The following LSR variants were observed in gnomAD, a reference collection of about 807,000 sequenced individuals.
The protein encoded by LSR is lipolysis-stimulated lipoprotein receptor.
A neutral mutation model predicts 61.8 loss-of-function variants in LSR; 44 were observed. The observed-to-expected ratio is 0.71, with a 90% CI of 0.56 to 0.91. The LOEUF (loss-of-function observed/expected upper bound fraction) is 0.91. Ranked by LOEUF, LSR falls within the 40% of genes least tolerant of loss-of-function variation. LSR has a pLI of 0.00. For synonymous variants in LSR, 397 were observed against 350.6 expected (o/e 1.13, Z -1.48); for missense variants, 911 against 830.5 (o/e 1.10, Z -1.19).
intron 4 of LSR, among the ~76,000 whole-genome samples, chr19:35,262,185 G>A (rs574868056): frequency 5.9e-5 from 9 of 152,346 alleles, no homozygotes; most frequent in South Asian, 4.1e-4. Flanking sequence ...CTGGGGTGCA[G>A]GCCAGGGCTC....
In LSR at chr19:35,249,122, T is replaced by A; in HGVS notation, c.100T>A (p.Trp34Arg). The change falls in exon 1 of 10, where the codon TGG (tryptophan) becomes AGG (arginine). Residue 34 changes from tryptophan to arginine, a missense_variant. Trp to Arg is a moderately radical substitution (Grantham distance 101, BLOSUM62 -3). Coordinates refer to ENST00000605618, the MANE Select transcript of LSR (RefSeq NM_205834.4). Reference protein sequence around the residue: ...VVFVWLLLSTWCTAPARAIQV... With the variant: ...VVFVWLLLSTRCTAPARAIQV... The stretch of plus-strand genomic sequence containing the variant: ...CTTCGTGTGGCTTCTGCTTAGCACC[T>A]GGTGCACAGGTACGGGGCACGGGGC... 1 of 1,543,478 alleles carries A rather than the reference T, an allele frequency of 6.5e-7. No homozygotes were observed.
chr19:35,261,985 CG>C lies in LSR; in HGVS notation c.631+10del, dbSNP rs747210434. The C allele has an allele frequency of 8.6e-6, 13 of 1,517,136 alleles. No individual in the cohort carries two copies. Among genetic ancestry groups the C allele is most frequent in the Middle Eastern group, 1.7e-4 (1 of 5,810 alleles). 94.0% of individuals were successfully genotyped at this position (1,517,136 alleles called of 1,614,324 possible). ...TTTCAGGCGGGGCCCATAGAAGGTA[CG>C]GGGGGTGGATCCTGAGTTGGGCTTC... On this transcript the variant is annotated splice_donor_5th_base_variant and intron_variant, in intron 4 of 9. Transcript: ENST00000605618.
At chr19:35,254,196 T>C (rs138215549) in intron 2 of LSR, among the ~76,000 whole-genome samples, 4,079 of 152,200 alleles carry the variant, frequency 0.027, 186 homozygotes, top group African/African-American at 0.093. Flanking sequence ...CAAGTTCAAG[T>C]GATTCTCCCG....
chr19:35,249,143 G>T lies in LSR; in HGVS notation c.109+12G>T. 3 of 1,524,888 alleles carry T rather than the reference G, an allele frequency of 2.0e-6. No individual in the cohort carries two copies. Among genetic ancestry groups the T allele is most frequent in the South Asian group, 1.3e-5 (1 of 79,890 alleles). The allele number at this position is 1,524,888 out of a possible 1,614,324, so 94.5% of individuals were successfully genotyped here. On this transcript the variant is annotated intron_variant, in intron 1 of 9. Transcript: ENST00000605618. ...CACCTGGTGCACAGGTACGGGGCAC[G>T]GGGCCTCTGACGCTGCGGAACGCCG... is the stretch of plus-strand genomic sequence containing the variant.
chr19:35,255,836 T>G (rs1227759397), intron 2 of LSR, among the ~76,000 whole-genome samples: 1 of 152,226 alleles, frequency 6.6e-6, no homozygotes, highest in Non-Finnish European at 1.5e-5. Flanking sequence ...ATATTTGTCT[T>G]TCTTTCCTAG....
chr19:35,267,840 G>C lies in LSR; in HGVS notation c.1787G>C (p.Arg596Pro). 1 of 1,613,906 alleles carries C rather than the reference G, an allele frequency of 6.2e-7. No homozygotes were observed. The highest frequency in any genetic ancestry group is 1.3e-5 in the African/African-American group (1 of 74,988). The change falls in exon 10 of 10, where the codon CGG (arginine) becomes CCG (proline). Residue 596 changes from arginine to proline, a missense_variant. By Grantham distance (103) the Arg-to-Pro change is moderately radical (BLOSUM62 -2). Coordinates refer to ENST00000605618, the MANE Select transcript of LSR (RefSeq NM_205834.4). ...RRLKKNLALS[R>P]ESLVV is the part of the protein sequence containing the mutation. ...CCCTTGCAGAACTTGGCCCTGAGTC[G>C]GGAAAGTTTAGTCGTCTGATCTGAC...
chr19:35,261,021 C>CTGACA, intron 3 of LSR, among the ~76,000 whole-genome samples: 1 of 152,330 alleles, frequency 6.6e-6, no homozygotes, highest in Non-Finnish European at 1.5e-5. Context: ...AGAGCTGTGA[C>CTGACA]TGACATGCCT....
In LSR at chr19:35,266,366, C is replaced by A. The variant is rs377368853; in HGVS notation, c.786C>A (p.Ala262=). 6.3e-7 allele frequency: 1 copy of A among 1,581,978 alleles called. No individual in the cohort carries two copies. The highest frequency in any genetic ancestry group is 8.6e-7 in the Non-Finnish European group (1 of 1,163,448). ...TTGATTGTGTCCTCACAGTGTATGCCGCCGGCAAAGCAGCCACCTCAGGTG... is the reference window on the plus strand; with the variant it reads ...TTGATTGTGTCCTCACAGTGTATGCAGCCGGCAAAGCAGCCACCTCAGGTG... ...DKCCCPEALY[A]AGKAATSGVP... Residue 262 remains alanine, a synonymous_variant, in exon 6 of 10, where the codon GCC becomes GCA. Transcript: ENST00000605618.
chr19:35,265,757 G>A lies in LSR; in HGVS notation c.779-602G>A, dbSNP rs76753602. 7.2e-5 allele frequency among the ~76,000 whole-genome samples: 11 copies of A among 152,260 alleles called. No individual in the cohort carries two copies. In the East Asian group the frequency reaches 1.9e-3, roughly 27 times the overall value. ...AGAGGAGACACTTTGCTGCTTGGCC[G>A]GGGCAGGCAAGTTAATTCCCGAGGC... On this transcript the variant is annotated intron_variant, in intron 5 of 9. Transcript: ENST00000605618.
intron 6 of LSR, 73 bp from the exon 7 acceptor site, chr19:35,266,606 A>G: frequency 6.2e-7 from 1 of 1,601,942 alleles, no homozygotes. Context: ...AGGGGCTGGA[A>G]GGAAGAGTGT....
chr19:35,267,763 C>T (rs752785558), intron 9 of LSR, 29 bp downstream of exon 9: 3 of 1,613,094 alleles, frequency 1.9e-6, no homozygotes, highest in South Asian at 1.1e-5. Context: ...GGCGTCCAGA[C>T]CGTCCCTGGG....
intron 3 of LSR, among the ~76,000 whole-genome samples, chr19:35,260,714 C>T (rs2065916380): frequency 6.6e-6 from 1 of 152,074 alleles, no homozygotes; most frequent in African/African-American, 2.4e-5. Flanking sequence ...GTGAGCCCAG[C>T]TTCTTGGGAG....
In LSR at chr19:35,267,886, A is replaced by T; in HGVS notation, c.*27A>T. 5 of 1,322,122 alleles carry T rather than the reference A, an allele frequency of 3.8e-6. No homozygotes were observed. The highest frequency in any genetic ancestry group is 1.3e-5 in the South Asian group (1 of 75,516). The allele number at this position is 1,322,122 out of a possible 1,614,324, so 81.9% of individuals were successfully genotyped here. On this transcript the variant is annotated 3_prime_UTR_variant, in exon 10 of 10. Coordinates refer to ENST00000605618, the MANE Select transcript of LSR (RefSeq NM_205834.4). ...CTGACGTTTTCTACGTAGCTTTTGT[A>T]TTTTTTTTTTTAATTTGAAGGAACA...
chr19:35,259,124 T>TGCCCTCCCCTGTGTCC lies in LSR; in HGVS notation c.574+67_574+82dup, dbSNP rs1351871310. On this transcript the variant is annotated intron_variant, in intron 3 of 9. Coordinates refer to ENST00000605618, the MANE Select transcript of LSR (RefSeq NM_205834.4). Reference sequence around the variant, plus strand: ...TCCTTTTGTCCGCTTCTGTTCTGTCTGCCCTCCCCTGTGTCCGCCCTCTGC... The same window carrying TGCCCTCCCCTGTGTCC: ...TCCTTTTGTCCGCTTCTGTTCTGTCTGCCCTCCCCTGTGTCCGCCCTCCCCTGTGTCCGCCCTCTGC... 3.2e-6 allele frequency: 5 copies of TGCCCTCCCCTGTGTCC among 1,571,518 alleles called. No homozygotes were observed. In the East Asian group the frequency reaches 9.0e-5, roughly 28 times the overall value.
chr19:35,250,792 ATTCT>A, intron 2 of LSR, 133 bp downstream of exon 2: 2 of 564,854 alleles, frequency 3.5e-6, no homozygotes, highest in Non-Finnish European at 5.7e-6. Context: ...GAAGGGAGCA[ATTCT>A]TTTTTTTTTT....
chr19:35,249,273 G>C (rs1399480050), intron 1 of LSR, 142 bp downstream of exon 1: 1 of 1,056,680 alleles, frequency 9.5e-7, no homozygotes, highest in East Asian at 2.9e-5. Flanking sequence ...TGGGCGATCT[G>C]TTGCGCGCGG....
Position 35,249,056 on chromosome 19 carries a change from C to A in LSR, c.34C>A (p.Leu12Met). ...GTTGGCCGGCGGGCTCTCCAGAGGG[C>A]TGGGCTCCCACCCGGCCGCCGCAGG... ...ALLAGGLSRG[L>M]GSHPAAAGRD... The change falls in exon 1 of 10, where the codon CTG becomes ATG. Residue 12 changes from leucine to methionine, a missense_variant. Leu to Met is a conservative substitution (Grantham distance 15). Coordinates refer to ENST00000605618, the MANE Select transcript of LSR (RefSeq NM_205834.4). 1.9e-6 allele frequency: 3 copies of A among 1,580,600 alleles called. No homozygotes were observed. Among genetic ancestry groups the A allele is most frequent in the Non-Finnish European group, 2.6e-6 (3 of 1,164,442 alleles).
Position 35,267,864 on chromosome 19 carries a change from A to G in LSR, c.*5A>G. 1 of 1,610,808 alleles carries G rather than the reference A, an allele frequency of 6.2e-7. No individual in the cohort carries two copies. The highest frequency in any genetic ancestry group is 8.5e-7 in the Non-Finnish European group (1 of 1,179,292). ...CGGGAAAGTTTAGTCGTCTGATCTG[A>G]CGTTTTCTACGTAGCTTTTGTATTT... On this transcript the variant is annotated 3_prime_UTR_variant, in exon 10 of 10. Coordinates refer to ENST00000605618, the MANE Select transcript of LSR (RefSeq NM_205834.4).
rs764120027 is a variant in LSR at position 35,267,307 on chromosome 19, CCCTGGACGA to C, written c.1347_1355del (p.Asp450_Leu452del). On this transcript the variant is annotated inframe_deletion, in exon 9 of 10. Transcript: ENST00000605618. ...CGGCCCCGGGCCCGCTCCGTGGACGCCCTGGACGACCTCACCCCGCCGAGCACCGCCGAG... is the reference window on the plus strand; with the variant it reads ...CGGCCCCGGGCCCGCTCCGTGGACGCCCTCACCCCGCCGAGCACCGCCGAG... 58 of 1,549,912 alleles carry C rather than the reference CCCTGGACGA, an allele frequency of 3.7e-5. No individual in the cohort carries two copies. The highest frequency in any genetic ancestry group is 4.7e-5 in the South Asian group (4 of 85,382).
Sources: gnomAD v4.1 joint callset for allele counts (sites outside exome capture counted in the v4.1 genomes callset) on GRCh38, gnomAD v4.1.1 for gene constraint, MANE v1.5 for transcripts, NCBI Gene and HGNC (gene_info 2026-07-23, HGNC 2026-07-21) for gene names.